Variants in PCLO observed in about 807,000 individuals in gnomAD.
The protein encoded by PCLO is protein piccolo.
Under a neutral mutation model 427.5 loss-of-function variants are expected in PCLO, and 82 were observed. The ratio of observed to expected loss-of-function variants is 0.19; its 90% CI spans 0.16 to 0.23. PCLO has a LOEUF of 0.23. Among genes scored for constraint, PCLO ranks in the 10% least tolerant of loss-of-function variants. PCLO has a pLI of 1.00. For missense variants in PCLO, 6,239 were observed against 6,115.9 expected, an observed-to-expected ratio of 1.02 and a Z score of -0.67; for synonymous variants, 2,357 against 2,155.4, an observed-to-expected ratio of 1.09 and a Z score of -2.59.
At chr7:82,883,270 G>A (rs985376911) in intron 9 of PCLO, among the ~76,000 whole-genome samples, 1 of 151,984 alleles carries the variant, frequency 6.6e-6, no homozygotes, top group African/African-American at 2.4e-5. Flanking sequence ...CCAAAGGATA[G>A]TTCATTAAAT....
intron 10 of PCLO, among the ~76,000 whole-genome samples, chr7:82,865,672 T>C (rs1423349482): frequency 6.6e-6 from 1 of 151,946 alleles, no homozygotes; most frequent in Non-Finnish European, 1.5e-5. Context: ...GTGAAGGGAT[T>C]TTGGCTTATA....
chr7:83,093,644 T>C lies in PCLO; in HGVS notation c.3300+40606A>G, dbSNP rs531856417. 5.8e-4 allele frequency among the ~76,000 whole-genome samples: 87 copies of C among 149,244 alleles called. 2 individuals are homozygous for C. The highest frequency in any genetic ancestry group is 1.6e-3 in the African/African-American group (65 of 40,848). On this transcript the variant is annotated intron_variant, in intron 3 of 24. Transcript: ENST00000333891. ...AGTAGCTGGGACTACAGGCGCCCGC[T>C]ACCACACCCGGCTAATTTTTTTTAT...
intron 3 of PCLO, among the ~76,000 whole-genome samples, chr7:83,099,682 C>A (rs1363109950): frequency 6.6e-6 from 1 of 151,998 alleles, no homozygotes; most frequent in Non-Finnish European, 1.5e-5. Context: ...TGAGCCACTG[C>A]GTCTGGCCAA....
intron 3 of PCLO, among the ~76,000 whole-genome samples, chr7:83,062,600 A>G (rs1789567793): frequency 6.6e-6 from 1 of 152,200 alleles, no homozygotes; most frequent in Admixed American, 6.5e-5. Flanking sequence ...AACAGCAGAC[A>G]TTCATTGAGT....
At chr7:83,044,593 A>G (rs1458374593) in intron 3 of PCLO, among the ~76,000 whole-genome samples, 2 of 152,156 alleles carry the variant, frequency 1.3e-5, no homozygotes, top group Non-Finnish European at 2.9e-5. Context: ...GCAAAGTACC[A>G]TATGAACCTG....
At chr7:82,974,976 A>T (rs1795985610) in intron 3 of PCLO, among the ~76,000 whole-genome samples, 2 of 151,956 alleles carry the variant, frequency 1.3e-5, no homozygotes, top group South Asian at 4.1e-4. Context: ...GCGGGGTTTC[A>T]CCGTATTAGC....
At position 82,993,648 on chromosome 7, in the gene PCLO, T is replaced by C. The variant is rs149826516; in HGVS notation, c.3301-27161A>G. On this transcript the variant is annotated intron_variant, in intron 3 of 24. Coordinates refer to ENST00000333891, the MANE Select transcript of PCLO (RefSeq NM_033026.6). The stretch of plus-strand genomic sequence containing the variant: ...CATCAAAATGTGATTGCACACTTAA[T>C]AGACTACAGTATAGTGTAAACATAA... Among the ~76,000 whole-genome samples, 393 of 152,146 alleles carry C rather than the reference T, an allele frequency of 2.6e-3. 3 individuals are homozygous for C. The highest frequency in any genetic ancestry group is 8.8e-3 in the African/African-American group (366 of 41,536).
intron 3 of PCLO, among the ~76,000 whole-genome samples, chr7:82,986,999 A>C (rs1188571080): frequency 6.6e-6 from 1 of 151,960 alleles, no homozygotes; most frequent in Non-Finnish European, 1.5e-5. Context: ...TTTTCAAACC[A>C]AAACAGGTGA....
At chr7:82,957,063 A>C in intron 4 of PCLO, 128 bp from the exon 5 acceptor site, 49 of 974,422 alleles carry the variant, frequency 5.0e-5, no homozygotes, top group Non-Finnish European at 6.4e-5. Context: ...ACCATATCTC[A>C]GTATTTTTTA....
At chr7:82,799,826 C>T (rs1000223250) in intron 22 of PCLO, among the ~76,000 whole-genome samples, 2 of 152,174 alleles carry the variant, frequency 1.3e-5, no homozygotes, top group African/African-American at 4.8e-5. Context: ...TGTCCTCTAG[C>T]TTATGGGGAC....
intron 2 of PCLO, among the ~76,000 whole-genome samples, chr7:83,138,685 C>G (rs73180562): frequency 1.5e-4 from 23 of 151,890 alleles, no homozygotes; most frequent in Non-Finnish European, 3.2e-4. Context: ...GCAAATATCC[C>G]TGTCCTGATG....
At chr7:82,797,186 T>A (rs2129468552) in intron 22 of PCLO, among the ~76,000 whole-genome samples, 1 of 152,214 alleles carries the variant, frequency 6.6e-6, no homozygotes, top group South Asian at 2.1e-4. Flanking sequence ...TAAAGATACT[T>A]AAGAAAATAA....
At chr7:83,126,391 A>T (rs1369544699) in intron 3 of PCLO, among the ~76,000 whole-genome samples, 2 of 152,178 alleles carry the variant, frequency 1.3e-5, no homozygotes, top group African/African-American at 2.4e-5. Flanking sequence ...GAATGTTCCT[A>T]ACACAAATAA....
At position 82,864,644 on chromosome 7, in the gene PCLO, C is replaced by T. The variant is rs531862391; in HGVS notation, c.13654+14693G>A. On this transcript the variant is annotated intron_variant, in intron 10 of 24. Coordinates refer to ENST00000333891, the MANE Select transcript of PCLO (RefSeq NM_033026.6). ...AGTTTCAGTTTCTTTTGTGTTTTCT[C>T]TGTTTCTTGTACACACTTCTGTTAT... Among the ~76,000 whole-genome samples the T allele has an allele frequency of 6.6e-5, 10 of 152,250 alleles. No individual in the cohort carries two copies. The East Asian group carries it at 9.6e-4, about 15-fold the overall frequency.
In PCLO at chr7:82,942,178, TAGAA is replaced by T. The variant is rs1318037301; in HGVS notation, c.11112+7294_11112+7297del. ...TCATAAAGTACACAACTGTTCAAAA[TAGAA>T]AGAGTAGTGAACTGTTAAGAAACTA... On this transcript the variant is annotated intron_variant, in intron 6 of 24. Transcript: ENST00000333891. 3.3e-5 allele frequency among the ~76,000 whole-genome samples: 5 copies of T among 152,220 alleles called. No homozygotes were observed. In the East Asian group the frequency reaches 7.7e-4, roughly 24 times the overall value.
At chr7:83,098,280 T>A (rs1790644779) in intron 3 of PCLO, among the ~76,000 whole-genome samples, 1 of 146,434 alleles carries the variant, frequency 6.8e-6, no homozygotes, top group Admixed American at 7.0e-5. Context: ...CTACTTACAG[T>A]AAACATTGCA....
intron 3 of PCLO, among the ~76,000 whole-genome samples, chr7:83,084,170 T>A (rs1790173270): frequency 6.6e-6 from 1 of 152,178 alleles, no homozygotes; most frequent in African/African-American, 2.4e-5. Context: ...TTCTTAGTTT[T>A]GTGAGCTGAT....
intron 7 of PCLO, among the ~76,000 whole-genome samples, chr7:82,912,746 T>C (rs1209094931): frequency 6.6e-6 from 1 of 152,016 alleles, no homozygotes. Flanking sequence ...AAATAGAATA[T>C]TCTGTTATTT....
intron 3 of PCLO, among the ~76,000 whole-genome samples, chr7:83,006,318 A>C (rs894739541): frequency 6.6e-6 from 1 of 151,662 alleles, no homozygotes; most frequent in African/African-American, 2.4e-5. Context: ...TAAAAACTAT[A>C]AACAAACAGA....
Sources: gnomAD v4.1 joint callset for allele counts (sites outside exome capture counted in the v4.1 genomes callset) on GRCh38, gnomAD v4.1.1 for gene constraint, MANE v1.5 for transcripts, NCBI Gene and HGNC (gene_info 2026-07-23, HGNC 2026-07-21) for gene names.